The following NDUFS6 variants were observed in gnomAD, a reference collection of about 807,000 sequenced individuals.
The protein encoded by NDUFS6 is NADH dehydrogenase [ubiquinone] iron-sulfur protein 6, mitochondrial.
NDUFS6 carries 14 observed loss-of-function variants against 13.2 expected under a neutral mutation model. That is an observed-to-expected ratio of 1.06 (90% CI 0.70 to 1.66). The LOEUF (loss-of-function observed/expected upper bound fraction) is 1.66, where lower values mean the gene tolerates loss of function less well. Among genes scored for constraint, NDUFS6 ranks in the 40% most tolerant of loss-of-function variants. The pLI, the probability that NDUFS6 is intolerant of heterozygous loss-of-function variation, is 0.00. For synonymous variants in NDUFS6, 95 were observed against 72.3 expected, an observed-to-expected ratio of 1.31 and a Z score of -1.60; for missense variants, 206 against 170.8, an observed-to-expected ratio of 1.21 and a Z score of -1.15.
intron 2 of NDUFS6, among the ~76,000 whole-genome samples, chr5:1,805,404 G>C (rs771184929): frequency 5.3e-5 from 8 of 152,232 alleles, no homozygotes; most frequent in Non-Finnish European, 1.2e-4. Flanking sequence ...CTAGATAATT[G>C]AGCTGGTCTT....
Position 1,815,974 on chromosome 5 carries a change from G to A in NDUFS6, c.*58G>A. 1.9e-6 allele frequency: 3 copies of A among 1,582,470 alleles called. No individual in the cohort carries two copies. On this transcript the variant is annotated 3_prime_UTR_variant, in exon 4 of 4. Transcript: ENST00000274137. ...CTGTGAGCATTTCCGCGGGGAAGCT[G>A]AGCACGTGAAGCTCGCTGGTTCTGT...
intron 2 of NDUFS6, among the ~76,000 whole-genome samples, chr5:1,812,607 A>G (rs1734235557): frequency 6.8e-6 from 1 of 147,748 alleles, no homozygotes; most frequent in Non-Finnish European, 1.5e-5. Context: ...AGTTCATTCT[A>G]TAACATTTCC....
chr5:1,808,150 A>G (rs1734156835), intron 2 of NDUFS6, among the ~76,000 whole-genome samples: 1 of 152,186 alleles, frequency 6.6e-6, no homozygotes, highest in South Asian at 2.1e-4. Context: ...GCTTGCTTCC[A>G]GGTTCATCCT....
At chr5:1,809,264 G>T (rs1218691718) in intron 2 of NDUFS6, among the ~76,000 whole-genome samples, 1 of 152,206 alleles carries the variant, frequency 6.6e-6, no homozygotes, top group Non-Finnish European at 1.5e-5. Context: ...TGGCGTGCGG[G>T]CTGCTGTGAC....
At chr5:1,805,949 T>G (rs573039736) in intron 2 of NDUFS6, among the ~76,000 whole-genome samples, 10 of 152,258 alleles carry the variant, frequency 6.6e-5, no homozygotes, top group African/African-American at 2.4e-4. Flanking sequence ...TGTAGGCTCG[T>G]GGGCACTGAG....
Position 1,810,094 on chromosome 5 carries a change from G to A in NDUFS6, c.187-4245G>A, listed in dbSNP as rs1166413205. On this transcript the variant is annotated intron_variant, in intron 2 of 3. Coordinates refer to ENST00000274137, the MANE Select transcript of NDUFS6 (RefSeq NM_004553.6). ...GCCTCCCACTGCGTGTGTGTTCTCT[G>A]TGACTGTGTGGCATTGAATGGGCCT... 2.0e-5 allele frequency among the ~76,000 whole-genome samples: 3 copies of A among 152,246 alleles called. No homozygotes were observed. In the East Asian group the frequency reaches 5.8e-4, roughly 29 times the overall value.
At chr5:1,808,451 T>C (rs912987687) in intron 2 of NDUFS6, among the ~76,000 whole-genome samples, 10 of 152,196 alleles carry the variant, frequency 6.6e-5, no homozygotes, top group African/African-American at 2.2e-4. Flanking sequence ...GAAATAATGG[T>C]TATAAAGTGA....
At chr5:1,810,641 T>C (rs1441388976) in intron 2 of NDUFS6, among the ~76,000 whole-genome samples, 1 of 152,232 alleles carries the variant, frequency 6.6e-6, no homozygotes, top group Non-Finnish European at 1.5e-5. Context: ...AATGATTCCC[T>C]TTTCCCATGT....
chr5:1,801,450 G>T lies in NDUFS6; in HGVS notation c.33G>T (p.Leu11=). 1 of 1,605,132 alleles carries T rather than the reference G, an allele frequency of 6.2e-7. No homozygotes were observed. The highest frequency in any genetic ancestry group is 8.5e-7 in the Non-Finnish European group (1 of 1,178,700). The part of the protein sequence containing the change: MAAAMTFCRL[L]NRCGEAARSL... ...CGGCGATGACCTTCTGCCGGCTGCT[G>T]AACCGGTGTGGCGAGGCGGCGCGGA... Residue 11 remains leucine (L), a synonymous_variant, in exon 1 of 4, where the codon CTG becomes CTT. Coordinates refer to ENST00000274137, the MANE Select transcript of NDUFS6 (RefSeq NM_004553.6).
chr5:1,814,285 ATG>A lies in NDUFS6; in HGVS notation c.187-52_187-51del. ...ATTTGTGTGTGGTGGGTTAAATTGT[ATG>A]TAGTTAGCAAGTTTGTGTATTTGTT... On this transcript the variant is annotated intron_variant, in intron 2 of 3. Transcript: ENST00000274137. This position sits in a 1 kb window ranked among gnomAD's most constrained non-coding sequence, Gnocchi z 4.9. 1.5e-5 allele frequency: 1 copy of A among 68,108 alleles called. No individual in the cohort carries two copies. The highest frequency in any genetic ancestry group is 1.5e-4 in the South Asian group (1 of 6,758). 4.2% of individuals were successfully genotyped at this position (68,108 alleles called of 1,614,324 possible). A position where few individuals can be genotyped will look rare whatever the true frequency, so the allele number is the denominator to read the frequency against.
Position 1,801,468 on chromosome 5 carries a change from G to A in NDUFS6, c.51G>A (p.Ala17=), listed in dbSNP as rs147046972. 1.5e-4 allele frequency: 245 copies of A among 1,603,770 alleles called. No homozygotes were observed. Among genetic ancestry groups the A allele is most frequent in the Non-Finnish European group, 2.0e-4 (238 of 1,178,630 alleles). The change falls in exon 1 of 4, where the codon GCG becomes GCA. Residue 17 remains alanine, a synonymous_variant. Coordinates refer to ENST00000274137, the MANE Select transcript of NDUFS6 (RefSeq NM_004553.6). ...GGCTGCTGAACCGGTGTGGCGAGGCGGCGCGGAGCCTGCCCCTGGGCGCCA... is the reference window on the plus strand; with the variant it reads ...GGCTGCTGAACCGGTGTGGCGAGGCAGCGCGGAGCCTGCCCCTGGGCGCCA... ...FCRLLNRCGE[A]ARSLPLGARC...
rs1397509314 is a variant in NDUFS6, at chr5:1,814,108, CTG to C, written c.187-228_187-227del. 1.3e-5 allele frequency among the ~76,000 whole-genome samples: 2 copies of C among 152,260 alleles called. No individual in the cohort carries two copies. Among genetic ancestry groups the C allele is most frequent in the African/African-American group, 4.8e-5 (2 of 41,462 alleles). ...TCCACGGGGACAGAAGGGAAAGGCT[CTG>C]TGCTGCTGGGATTCTTGCAGTGCCT... On this transcript the variant is annotated intron_variant, in intron 2 of 3. Coordinates refer to ENST00000274137, the MANE Select transcript of NDUFS6 (RefSeq NM_004553.6). The surrounding 1 kb of genome is among the most constrained non-coding windows in gnomAD (Gnocchi z 4.9).
chr5:1,809,135 C>T (rs1670963637), intron 2 of NDUFS6, among the ~76,000 whole-genome samples: 1 of 152,180 alleles, frequency 6.6e-6, no homozygotes, highest in South Asian at 2.1e-4. Flanking sequence ...ATCATTTGAT[C>T]ATCAAGAGGT....
At chr5:1,805,945 C>T (rs1034820965) in intron 2 of NDUFS6, among the ~76,000 whole-genome samples, 11 of 152,174 alleles carry the variant, frequency 7.2e-5, no homozygotes, top group Non-Finnish European at 5.9e-5. Flanking sequence ...AGCTTGTAGG[C>T]TCGTGGGCAC....
At chr5:1,807,114 G>GGTACTCAGAGGTACTGCGTGAA (rs1734136655) in intron 2 of NDUFS6, among the ~76,000 whole-genome samples, 1 of 151,250 alleles carries the variant, frequency 6.6e-6, no homozygotes, top group Admixed American at 6.6e-5. Context: ...TACTGTATGA[G>GGTACTCAGAGGTACTGCGTGAA]GTACTCAGAG....
In NDUFS6 at chr5:1,814,736, G is replaced by C; in HGVS notation, c.309+275G>C. On this transcript the variant is annotated intron_variant, in intron 3 of 3. Coordinates refer to ENST00000274137, the MANE Select transcript of NDUFS6 (RefSeq NM_004553.6). The surrounding 1 kb of genome is among the most constrained non-coding windows in gnomAD (Gnocchi z 4.9). ...GTCTTTCCTCTCTGGGCCCTTCTCG[G>C]TTTGGTCATCATCTCAGCTCAGGCT... 1 of 702,352 alleles carries C rather than the reference G, an allele frequency of 1.4e-6. No individual in the cohort carries two copies. The highest frequency in any genetic ancestry group is 2.0e-5 in the Admixed American group (1 of 49,770). 43.5% of individuals were successfully genotyped at this position (702,352 alleles called of 1,614,324 possible).
Position 1,814,887 on chromosome 5 carries a change from C to T in NDUFS6, c.309+426C>T, listed in dbSNP as rs951623629. 2.0e-5 allele frequency among the ~76,000 whole-genome samples: 3 copies of T among 152,176 alleles called. No homozygotes were observed. The highest frequency in any genetic ancestry group is 7.2e-5 in the African/African-American group (3 of 41,428). On this transcript the variant is annotated intron_variant, in intron 3 of 3. Coordinates refer to ENST00000274137, the MANE Select transcript of NDUFS6 (RefSeq NM_004553.6). The surrounding 1 kb of genome is among the most constrained non-coding windows in gnomAD (Gnocchi z 4.9). Reference sequence around the variant, plus strand: ...TCCTGGGGCCTCGCTCCGGGGCTTGCAGATGAGGTCTCCTCCCTGTGTCTT... The same window carrying T: ...TCCTGGGGCCTCGCTCCGGGGCTTGTAGATGAGGTCTCCTCCCTGTGTCTT...
intron 1 of NDUFS6, chr5:1,802,044 G>C: frequency 2.1e-6 from 1 of 477,938 alleles, no homozygotes; most frequent in Non-Finnish European, 3.7e-6. Context: ...AAGGTTGGGG[G>C]CGGTTCTCCT....
chr5:1,802,604 T>C (rs1299084877), intron 2 of NDUFS6, among the ~76,000 whole-genome samples: 5 of 152,236 alleles, frequency 3.3e-5, no homozygotes, highest in Admixed American at 1.3e-4. Flanking sequence ...TGCATATAAA[T>C]GGAAGTGATC....
Sources: allele counts gnomAD v4.1 joint callset (sites outside exome capture counted in the v4.1 genomes callset), GRCh38; gene constraint gnomAD v4.1.1; non-coding constraint Gnocchi (gnomAD v3.1); transcripts MANE v1.5; gene names NCBI Gene and HGNC (gene_info 2026-07-23, HGNC 2026-07-21).